The following IGSF21 variants were observed in gnomAD, a reference collection of about 807,000 sequenced individuals.
The protein encoded by IGSF21 is immunoglobulin superfamily member 21.
Under a neutral mutation model 46.8 loss-of-function variants are expected in IGSF21, and 28 were observed. The ratio of observed to expected loss-of-function variants is 0.60; its 90% CI spans 0.44 to 0.82. The LOEUF is 0.82. Ranked by LOEUF, IGSF21 falls within the 40% of genes least tolerant of loss-of-function variation. IGSF21 has a pLI of 0.00. For synonymous variants in IGSF21, 284 were observed against 273.6 expected (o/e 1.04, Z -0.38); for missense variants, 624 against 665.5 (o/e 0.94, Z 0.69).
rs867114450 is a variant in IGSF21, at chr1:18,282,635, T to C, written c.184-9231T>C. On this transcript the variant is annotated intron_variant, in intron 2 of 9. Coordinates refer to ENST00000251296, the MANE Select transcript of IGSF21 (RefSeq NM_032880.5). Reference sequence around the variant, plus strand: ...TTTGCCAAAAACTCATCCCCTTACATACACACACACACACACACACACACA... The same window carrying C: ...TTTGCCAAAAACTCATCCCCTTACACACACACACACACACACACACACACA... Among the ~76,000 whole-genome samples the C allele has an allele frequency of 5.1e-4, 70 of 137,628 alleles. 1 individual carries two copies. In the South Asian group the frequency reaches 0.011, roughly 23 times the overall value. The allele number at this position is 137,628 out of a possible 152,430, so 90.3% of individuals were successfully genotyped here.
intron 1 of IGSF21, among the ~76,000 whole-genome samples, chr1:18,222,743 A>G (rs2084522734): frequency 6.6e-6 from 1 of 152,214 alleles, no homozygotes; most frequent in Non-Finnish European, 1.5e-5. Flanking sequence ...TTTCAGGAAA[A>G]GAATCCGTGC....
At chr1:18,130,701 A>C (rs1432940768) in intron 1 of IGSF21, among the ~76,000 whole-genome samples, 2 of 152,222 alleles carry the variant, frequency 1.3e-5, no homozygotes, top group African/African-American at 4.8e-5. Flanking sequence ...AGAACTCTTC[A>C]TTACACAGCA....
chr1:18,159,764 C>A (rs1289385890), intron 1 of IGSF21, among the ~76,000 whole-genome samples: 1 of 149,668 alleles, frequency 6.7e-6, no homozygotes, highest in Non-Finnish European at 1.5e-5. Flanking sequence ...CTCACTGCAA[C>A]CTCCACCTCC....
chr1:18,238,192 C>G (rs1172662493), intron 2 of IGSF21, among the ~76,000 whole-genome samples: 1 of 152,204 alleles, frequency 6.6e-6, no homozygotes, highest in Non-Finnish European at 1.5e-5. Flanking sequence ...ATTATCTCCA[C>G]TCTTGGGTCA....
chr1:18,108,857 G>A (rs183164281), intron 1 of IGSF21, among the ~76,000 whole-genome samples: 207 of 151,928 alleles, frequency 1.4e-3, no homozygotes, highest in African/African-American at 4.8e-3. Context: ...GGATGGGTGG[G>A]GGTGCAGGTG....
intron 3 of IGSF21, among the ~76,000 whole-genome samples, chr1:18,328,940 G>T (rs1475643784): frequency 6.6e-6 from 1 of 152,172 alleles, no homozygotes; most frequent in African/African-American, 2.4e-5. Context: ...TCAGTCATCA[G>T]AATTAAGGGG....
intron 1 of IGSF21, among the ~76,000 whole-genome samples, chr1:18,211,861 TG>T (rs1416929137): frequency 3.3e-5 from 5 of 152,218 alleles, no homozygotes. Context: ...TGAGTAATGT[TG>T]GAGGATACAG....
At chr1:18,120,658 G>A (rs370157241) in intron 1 of IGSF21, among the ~76,000 whole-genome samples, 1 of 152,150 alleles carries the variant, frequency 6.6e-6, no homozygotes, top group Non-Finnish European at 1.5e-5. Context: ...GCAGCAAAAC[G>A]GTGCCTACTC....
At chr1:18,304,770 TA>T (rs1301833931) in intron 3 of IGSF21, among the ~76,000 whole-genome samples, 1 of 151,910 alleles carries the variant, frequency 6.6e-6, no homozygotes, top group African/African-American at 2.4e-5. Context: ...TTCTTCTAAG[TA>T]AAAAATCAGT....
intron 1 of IGSF21, among the ~76,000 whole-genome samples, chr1:18,164,059 G>A (rs549015805): frequency 3.3e-5 from 5 of 152,276 alleles, no homozygotes; most frequent in Admixed American, 6.5e-5. Context: ...GCTGACACAT[G>A]GAGGATAATG....
chr1:18,273,727 T>C (rs762972231), intron 2 of IGSF21, among the ~76,000 whole-genome samples: 2 of 151,830 alleles, frequency 1.3e-5, no homozygotes, highest in Non-Finnish European at 2.9e-5. Flanking sequence ...AGTTTCCTTA[T>C]AATAGAAACC....
At chr1:18,280,291 T>G (rs2085146633) in intron 2 of IGSF21, among the ~76,000 whole-genome samples, 2 of 152,088 alleles carry the variant, frequency 1.3e-5, no homozygotes, top group African/African-American at 2.4e-5. Flanking sequence ...TTTGCAGCCC[T>G]GAAAGAGGGG....
intron 1 of IGSF21, among the ~76,000 whole-genome samples, chr1:18,219,775 G>A (rs1409661724): frequency 6.6e-6 from 1 of 152,134 alleles, no homozygotes; most frequent in African/African-American, 2.4e-5. Context: ...CTGCCTTACA[G>A]CAGGGTTCCC....
At chr1:18,243,942 G>C (rs1022743266) in intron 2 of IGSF21, among the ~76,000 whole-genome samples, 2 of 152,184 alleles carry the variant, frequency 1.3e-5, no homozygotes, top group African/African-American at 4.8e-5. Flanking sequence ...CTCCATATCT[G>C]TGTCTATAAA....
chr1:18,254,978 G>A (rs1452909337), intron 2 of IGSF21, among the ~76,000 whole-genome samples: 1 of 152,216 alleles, frequency 6.6e-6, no homozygotes, highest in East Asian at 1.9e-4. Context: ...ACTATCTGGA[G>A]AATGAAGGGG....
chr1:18,285,960 G>A (rs760813530), intron 2 of IGSF21, among the ~76,000 whole-genome samples: 38 of 152,208 alleles, frequency 2.5e-4, no homozygotes, highest in Non-Finnish European at 4.4e-4. Flanking sequence ...TCACTCTTAC[G>A]CACTGAATTC....
At chr1:18,369,845 C>T (rs2086207081) in intron 6 of IGSF21, among the ~76,000 whole-genome samples, 1 of 152,216 alleles carries the variant, frequency 6.6e-6, no homozygotes, top group Admixed American at 6.5e-5. Flanking sequence ...GCTGTTTGTG[C>T]CTCTTCTCAG....
At chr1:18,181,332 G>A (rs1474880707) in intron 1 of IGSF21, among the ~76,000 whole-genome samples, 5 of 152,314 alleles carry the variant, frequency 3.3e-5, no homozygotes, top group African/African-American at 1.2e-4. Flanking sequence ...TTATGGCTGC[G>A]ACATTGATGT....
At chr1:18,134,457 A>C (rs1232919729) in intron 1 of IGSF21, among the ~76,000 whole-genome samples, 6 of 152,100 alleles carry the variant, frequency 3.9e-5, no homozygotes, top group African/African-American at 9.7e-5. Flanking sequence ...CTTTGATGCC[A>C]GCTCATCTCC....
Sources: gnomAD v4.1 joint callset for allele counts (sites outside exome capture counted in the v4.1 genomes callset) on GRCh38, gnomAD v4.1.1 for gene constraint, MANE v1.5 for transcripts, NCBI Gene and HGNC (gene_info 2026-07-23, HGNC 2026-07-21) for gene names.